Variants in ADAMTS6 observed in about 807,000 individuals in gnomAD.
ADAMTS6 encodes the protein A disintegrin and metalloproteinase with thrombospondin motifs 6.
In ADAMTS6, 23 loss-of-function variants were observed where a neutral mutation model predicts 144.3. That is an observed-to-expected ratio of 0.16 (90% CI 0.11 to 0.23). ADAMTS6 has a LOEUF of 0.23. Ranked by LOEUF, ADAMTS6 falls within the 10% of genes least tolerant of loss-of-function variation. ADAMTS6 has a pLI of 1.00. For missense variants in ADAMTS6, 999 were observed against 1,379.6 expected (o/e 0.72, Z 4.37); for synonymous variants, 444 against 457.5 (o/e 0.97, Z 0.38).
chr5:65,240,000 A>T (rs1414918528), intron 15 of ADAMTS6, among the ~76,000 whole-genome samples: 1 of 152,188 alleles, frequency 6.6e-6, no homozygotes, highest in Non-Finnish European at 1.5e-5. Context: ...TCTACTCCTA[A>T]GTATTTACTC....
intron 7 of ADAMTS6, among the ~76,000 whole-genome samples, chr5:65,411,207 A>G (rs964077092): frequency 2.0e-5 from 3 of 152,142 alleles, no homozygotes; most frequent in Non-Finnish European, 4.4e-5. Context: ...CTATTTATCC[A>G]TCGGTCAACA....
At chr5:65,373,324 T>A (rs965038362) in intron 7 of ADAMTS6, among the ~76,000 whole-genome samples, 14 of 151,466 alleles carry the variant, frequency 9.2e-5, no homozygotes, top group African/African-American at 2.4e-5. Flanking sequence ...CAGGAGCTGG[T>A]TTTTTGAAAG....
At chr5:65,467,747 T>C (rs1760135655) in intron 3 of ADAMTS6, among the ~76,000 whole-genome samples, 1 of 152,164 alleles carries the variant, frequency 6.6e-6, no homozygotes, top group African/African-American at 2.4e-5. Context: ...AACTTTACTT[T>C]CCAGTCGCTG....
At chr5:65,439,626 A>G (rs1757716347) in intron 7 of ADAMTS6, among the ~76,000 whole-genome samples, 1 of 152,150 alleles carries the variant, frequency 6.6e-6, no homozygotes, top group South Asian at 2.1e-4. Flanking sequence ...AAGACAAGTA[A>G]ATAGAACGTG....
intron 11 of ADAMTS6, among the ~76,000 whole-genome samples, chr5:65,283,026 T>C (rs566676017): frequency 1.3e-5 from 2 of 152,226 alleles, no homozygotes; most frequent in South Asian, 4.1e-4. Context: ...GTTGGGTCCT[T>C]GATTCTAAAT....
intron 7 of ADAMTS6, among the ~76,000 whole-genome samples, chr5:65,364,203 A>G (rs1056016722): frequency 1.3e-5 from 2 of 152,184 alleles, no homozygotes; most frequent in African/African-American, 4.8e-5. Flanking sequence ...TATTGATTGA[A>G]AGGTTTTTGG....
intron 9 of ADAMTS6, among the ~76,000 whole-genome samples, chr5:65,312,870 T>C (rs1159316978): frequency 2.6e-5 from 4 of 151,926 alleles, no homozygotes; most frequent in African/African-American, 4.8e-5. Context: ...TGTGGGGGTA[T>C]ATATAATAGT....
In ADAMTS6 at chr5:65,172,921, A is replaced by G; in HGVS notation, c.2998T>C (p.Cys1000Arg). Residue 1000 changes from cysteine (C) to arginine (R), a missense_variant, in exon 23 of 25, where the codon TGT (cysteine) becomes CGT (arginine). Around this residue, in one of 3 missense-constraint regions of ADAMTS6, gnomAD observed 619 missense variants for 837.0 expected, o/e 0.74. Transcript: ENST00000381055. ...ACAGGAGGTTTGCTTTCCTCTGGAC[A>G]TTGTGCAGCTGGGAATGTCTTAGAA... ...DLSKTFPAAQ[C>R]PEESKPPVRI... The G allele has an allele frequency of 6.2e-7, 1 of 1,614,236 alleles. No homozygotes were observed. The highest frequency in any genetic ancestry group is 8.5e-7 in the Non-Finnish European group (1 of 1,180,040).
At chr5:65,440,810 G>C (rs1335251202) in intron 7 of ADAMTS6, among the ~76,000 whole-genome samples, 4 of 152,046 alleles carry the variant, frequency 2.6e-5, no homozygotes, top group African/African-American at 9.7e-5. Context: ...CAGTACTGGG[G>C]AATAATTAGC....
chr5:65,244,555 A>T (rs1580168710), intron 14 of ADAMTS6, among the ~76,000 whole-genome samples: 1 of 152,300 alleles, frequency 6.6e-6, no homozygotes, highest in Non-Finnish European at 1.5e-5. Flanking sequence ...GAGCATAATA[A>T]AAAGATTAAC....
At chr5:65,430,570 A>G (rs1226405035) in intron 7 of ADAMTS6, among the ~76,000 whole-genome samples, 1 of 152,180 alleles carries the variant, frequency 6.6e-6, no homozygotes, top group Admixed American at 6.5e-5. Flanking sequence ...AAAAAAGTCA[A>G]CCAATATCCA....
chr5:65,380,798 GT>G (rs962141231), intron 7 of ADAMTS6, among the ~76,000 whole-genome samples: 3 of 152,120 alleles, frequency 2.0e-5, no homozygotes, highest in African/African-American at 4.8e-5. Context: ...TGGTTTGTAA[GT>G]TTTTTACTAT....
Position 65,405,831 on chromosome 5 carries a change from G to C in ADAMTS6, c.1073+45644C>G, listed in dbSNP as rs1000946510. 1.2e-4 allele frequency among the ~76,000 whole-genome samples: 18 copies of C among 152,226 alleles called. No individual in the cohort carries two copies. In the Middle Eastern group the frequency reaches 0.01, roughly 86 times the overall value. ...TCCTCTTTTATTTCACTGAGCAGTG[G>C]TTTGTAGTACTCCTTGAAGAGGTCG... On this transcript the variant is annotated intron_variant, in intron 7 of 24. Transcript: ENST00000381055.
intron 7 of ADAMTS6, among the ~76,000 whole-genome samples, chr5:65,433,392 A>C (rs1757144458): frequency 1.3e-5 from 2 of 152,096 alleles, no homozygotes; most frequent in South Asian, 4.1e-4. Flanking sequence ...ATACCAACAA[A>C]CAGACGGCAA....
At chr5:65,462,186 CAAT>C (rs1230893980) in intron 3 of ADAMTS6, among the ~76,000 whole-genome samples, 1 of 152,058 alleles carries the variant, frequency 6.6e-6, no homozygotes, top group Admixed American at 6.6e-5. Flanking sequence ...GGTAGATCAA[CAAT>C]GTGCTAAAAA....
chr5:65,398,850 AAAAGAAAG>A (rs143026830), intron 7 of ADAMTS6, among the ~76,000 whole-genome samples: 21 of 133,802 alleles, frequency 1.6e-4, no homozygotes, highest in Non-Finnish European at 3.0e-4. Flanking sequence ...GAAAGAAAGA[AAAAGAAAG>A]AGAAAGAAAG....
At chr5:65,429,526 T>A (rs1350958037) in intron 7 of ADAMTS6, among the ~76,000 whole-genome samples, 2 of 152,004 alleles carry the variant, frequency 1.3e-5, no homozygotes, top group Admixed American at 6.6e-5. Context: ...TAAATAAAAA[T>A]TTTAAAAATA....
intron 3 of ADAMTS6, among the ~76,000 whole-genome samples, chr5:65,462,348 C>A (rs1580765779): frequency 1.3e-5 from 2 of 152,138 alleles, no homozygotes; most frequent in East Asian, 3.9e-4. Flanking sequence ...AGTTACCAGA[C>A]AAGAGACTTG....
intron 12 of ADAMTS6, among the ~76,000 whole-genome samples, chr5:65,264,298 A>C (rs1391039415): frequency 6.6e-6 from 1 of 152,088 alleles, no homozygotes; most frequent in Non-Finnish European, 1.5e-5. Flanking sequence ...CCTCAGCCCC[A>C]TTCTCTCTCT....
Sources: allele counts gnomAD v4.1 joint callset (sites outside exome capture counted in the v4.1 genomes callset), GRCh38; gene constraint gnomAD v4.1.1; regional missense constraint gnomAD v4.1.1; transcripts MANE v1.5; gene names NCBI Gene and HGNC (gene_info 2026-07-23, HGNC 2026-07-21).